CAMKMT: variants seen among roughly 807,000 people sequenced by gnomAD.
The protein encoded by CAMKMT is CaM KMT.
In CAMKMT, 53 loss-of-function variants were observed where a neutral mutation model predicts 48.0. The ratio of observed to expected loss-of-function variants is 1.10; its 90% CI spans 0.89 to 1.39. CAMKMT has a LOEUF of 1.39. Among genes scored for constraint, CAMKMT ranks in the 40% most tolerant of loss-of-function variants. The probability of loss-of-function intolerance (pLI) is 0.00; values close to 1 mark genes in which losing one functional copy is unlikely to be tolerated. For missense variants in CAMKMT, 428 were observed against 402.7 expected (o/e 1.06, Z -0.54); for synonymous variants, 165 against 152.3 (o/e 1.08, Z -0.61).
At chr2:44,422,681 T>C (rs918200051) in intron 3 of CAMKMT, among the ~76,000 whole-genome samples, 1 of 152,314 alleles carries the variant, frequency 6.6e-6, no homozygotes, top group Non-Finnish European at 1.5e-5. Context: ...TGGTCATTAG[T>C]TGGAACATAA....
At chr2:44,500,258 C>T (rs1160333943) in intron 3 of CAMKMT, among the ~76,000 whole-genome samples, 1 of 152,116 alleles carries the variant, frequency 6.6e-6, no homozygotes, top group Non-Finnish European at 1.5e-5. Context: ...CCATATCAGA[C>T]TATAAATATA....
chr2:44,403,325 C>CA (rs1682558602), intron 3 of CAMKMT, among the ~76,000 whole-genome samples: 1 of 152,140 alleles, frequency 6.6e-6, no homozygotes, highest in African/African-American at 2.4e-5. Flanking sequence ...CCTTCCTTAC[C>CA]ACCACCCTCC....
rs752655729 is a variant in CAMKMT, at chr2:44,512,534, C to T, written c.376+122229C>T. On this transcript the variant is annotated intron_variant, in intron 3 of 10. Coordinates refer to ENST00000378494, the MANE Select transcript of CAMKMT (RefSeq NM_024766.5). ...CCTACAGGTACCTAAATTTAAAGAA[C>T]AGTTTTTCCTACCCTTTCATTGTTG... Among the ~76,000 whole-genome samples, 3 of 152,268 alleles carry T rather than the reference C, an allele frequency of 2.0e-5. No individual in the cohort carries two copies. In the East Asian group the frequency reaches 5.8e-4, roughly 29 times the overall value.
At chr2:44,428,370 ATCT>A (rs1684417459) in intron 3 of CAMKMT, among the ~76,000 whole-genome samples, 1 of 152,160 alleles carries the variant, frequency 6.6e-6, no homozygotes, top group Admixed American at 6.5e-5. Context: ...GTTCAGACAC[ATCT>A]TCTCTTCTTT....
intron 8 of CAMKMT, among the ~76,000 whole-genome samples, chr2:44,750,260 G>A (rs1316288554): frequency 1.3e-5 from 2 of 151,716 alleles, no homozygotes; most frequent in East Asian, 1.9e-4. Flanking sequence ...AGGTTCAAGC[G>A]ACCCTCCTGC....
chr2:44,446,624 G>A (rs1667015331), intron 3 of CAMKMT, among the ~76,000 whole-genome samples: 1 of 152,166 alleles, frequency 6.6e-6, no homozygotes. Flanking sequence ...GGGATTACAG[G>A]CCGCGCCACT....
intron 2 of CAMKMT, among the ~76,000 whole-genome samples, chr2:44,377,286 C>A (rs770592740): frequency 1.3e-5 from 2 of 152,066 alleles, no homozygotes; most frequent in Non-Finnish European, 2.9e-5. Context: ...GGATTACAGG[C>A]GTAAGCCACT....
intron 3 of CAMKMT, among the ~76,000 whole-genome samples, chr2:44,695,502 A>G (rs1056480731): frequency 6.6e-6 from 1 of 152,238 alleles, no homozygotes; most frequent in African/African-American, 2.4e-5. Flanking sequence ...TCTGGAAGAG[A>G]TAAGAATATG....
rs1218536441 is a variant in CAMKMT at position 44,700,908 on chromosome 2, G to T, written c.377-3375G>T. Among the ~76,000 whole-genome samples the T allele has an allele frequency of 2.0e-5, 3 of 152,100 alleles. No individual in the cohort carries two copies. The East Asian group carries it at 5.8e-4, about 29-fold the overall frequency. ...TCTACAAAGCACAATAAAGAAAGCT[G>T]CAATAAAATGGAGTATTGCCTGTAT... On this transcript the variant is annotated intron_variant, in intron 3 of 10. Transcript: ENST00000378494.
intron 7 of CAMKMT, among the ~76,000 whole-genome samples, chr2:44,725,851 T>C (rs76800286): frequency 6.6e-6 from 1 of 151,956 alleles, no homozygotes; most frequent in Non-Finnish European, 1.5e-5. Context: ...TTTTTTTTTT[T>C]CAACTTTTAT....
rs114031835 is a variant in CAMKMT, at chr2:44,703,070, T to C, written c.377-1213T>C. Among the ~76,000 whole-genome samples the C allele has an allele frequency of 6.8e-3, 1,028 of 152,292 alleles. 4 individuals carry two copies. The highest frequency in any genetic ancestry group is 0.027 in the South Asian group (131 of 4,824). ...GCATGGTGCTCTCAGCCTTAGGAAG[T>C]GCAAGATGCCTGGTGCTCTGACTGA... On this transcript the variant is annotated intron_variant, in intron 3 of 10. Coordinates refer to ENST00000378494, the MANE Select transcript of CAMKMT (RefSeq NM_024766.5).
chr2:44,659,258 A>C (rs756118605), intron 3 of CAMKMT, among the ~76,000 whole-genome samples: 2 of 151,746 alleles, frequency 1.3e-5, no homozygotes, highest in African/African-American at 2.4e-5. Context: ...TTATCTCTAC[A>C]AAATAAAAAA....
intron 3 of CAMKMT, among the ~76,000 whole-genome samples, chr2:44,577,257 T>G (rs1377022954): frequency 6.6e-6 from 1 of 152,228 alleles, no homozygotes; most frequent in Non-Finnish European, 1.5e-5. Flanking sequence ...TATGTCAAAC[T>G]GGCATATTAA....
chr2:44,571,775 A>C lies in CAMKMT; in HGVS notation c.377-132508A>C, dbSNP rs1668915973. ...GATTGCATGAACTAGGGAGTTCGAG[A>C]CCAGCCTGGTGGCAACACAGTGAGA... On this transcript the variant is annotated intron_variant, in intron 3 of 10. Coordinates refer to ENST00000378494, the MANE Select transcript of CAMKMT (RefSeq NM_024766.5). 3.3e-5 allele frequency among the ~76,000 whole-genome samples: 5 copies of C among 152,146 alleles called. No individual in the cohort carries two copies. In the South Asian group the frequency reaches 1.0e-3, roughly 31 times the overall value.
intron 10 of CAMKMT, among the ~76,000 whole-genome samples, chr2:44,768,841 G>C (rs1348430045): frequency 6.6e-6 from 1 of 152,182 alleles, no homozygotes; most frequent in Admixed American, 6.5e-5. Flanking sequence ...CTCCCCAATG[G>C]AGGAGCGGCG....
chr2:44,379,125 T>C (rs943667543), intron 2 of CAMKMT, among the ~76,000 whole-genome samples: 1 of 152,210 alleles, frequency 6.6e-6, no homozygotes, highest in African/African-American at 2.4e-5. Context: ...TGTCTCTATG[T>C]GTTGTCTGTT....
At chr2:44,490,915 C>T (rs768905664) in intron 3 of CAMKMT, among the ~76,000 whole-genome samples, 3 of 151,876 alleles carry the variant, frequency 2.0e-5, no homozygotes, top group Non-Finnish European at 1.5e-5. Flanking sequence ...TTTGGGAGTC[C>T]GAGGTGGGTG....
chr2:44,624,452 T>C (rs1672366701), intron 3 of CAMKMT, among the ~76,000 whole-genome samples: 2 of 152,156 alleles, frequency 1.3e-5, no homozygotes, highest in African/African-American at 4.8e-5. Flanking sequence ...GCATTAGGTA[T>C]ATCTCCTAAT....
intron 3 of CAMKMT, among the ~76,000 whole-genome samples, chr2:44,421,530 A>C (rs1382039548): frequency 1.3e-5 from 2 of 152,206 alleles, no homozygotes; most frequent in African/African-American, 4.8e-5. Flanking sequence ...TCACAATAAC[A>C]GTACAAAATG....
Sources: gnomAD v4.1 joint callset for allele counts (sites outside exome capture counted in the v4.1 genomes callset) on GRCh38, gnomAD v4.1.1 for gene constraint, MANE v1.5 for transcripts, NCBI Gene and HGNC (gene_info 2026-07-23, HGNC 2026-07-21) for gene names.